The following NEDD4L variants were observed in gnomAD, a reference collection of about 807,000 sequenced individuals.
NEDD4L encodes the protein NEDD4 like E3 ubiquitin protein ligase.
NEDD4L carries 54 observed loss-of-function variants against 148.9 expected under a neutral mutation model. The observed-to-expected ratio is 0.36, with a 90% confidence interval of 0.29 to 0.45. The LOEUF is 0.45. Among genes scored for constraint, NEDD4L ranks in the 20% least tolerant of loss-of-function variants. NEDD4L has a pLI of 1.00. For synonymous variants in NEDD4L, 433 were observed against 440.7 expected (o/e 0.98, Z 0.22); for missense variants, 856 against 1,233.8 (o/e 0.69, Z 4.59).
At chr18:58,137,431 C>G (rs976703407) in intron 1 of NEDD4L, among the ~76,000 whole-genome samples, 2 of 152,094 alleles carry the variant, frequency 1.3e-5, no homozygotes, top group East Asian at 3.9e-4. Flanking sequence ...TCTGTGAGGT[C>G]GAGGTGGGTG....
intron 24 of NEDD4L, among the ~76,000 whole-genome samples, chr18:58,380,350 G>A (rs1023735953): frequency 1.4e-5 from 2 of 145,338 alleles, no homozygotes; most frequent in East Asian, 2.0e-4. Flanking sequence ...ATGGAGTCTC[G>A]CTCTGTTGCC....
chr18:58,253,651 A>G (rs2048175649), intron 5 of NEDD4L, among the ~76,000 whole-genome samples: 1 of 152,170 alleles, frequency 6.6e-6, no homozygotes, highest in South Asian at 2.1e-4. Flanking sequence ...ATTATTGAGT[A>G]TAATATCTCT....
Position 58,182,949 on chromosome 18 carries a change from TC to T in NEDD4L, c.122+17092del, listed in dbSNP as rs1482457918. ...CTCCCTCTCCTCCCTCACTGCTGGG[TC>T]CCCTGTCATAGGAGACCTGGCCTGA... On this transcript the variant is annotated intron_variant, in intron 2 of 30. Transcript: ENST00000400345. Among the ~76,000 whole-genome samples the T allele has an allele frequency of 2.0e-5, 3 of 152,306 alleles. No homozygotes were observed. In the East Asian group the frequency reaches 5.8e-4, roughly 29 times the overall value.
chr18:58,373,605 G>A (rs183288064), intron 24 of NEDD4L, among the ~76,000 whole-genome samples: 96 of 152,334 alleles, frequency 6.3e-4, no homozygotes, highest in Non-Finnish European at 9.4e-4. Context: ...TTGACTTAGC[G>A]ATGTAAATAC....
At chr18:58,148,291 G>T (rs1309682329) in intron 1 of NEDD4L, among the ~76,000 whole-genome samples, 1 of 147,848 alleles carries the variant, frequency 6.8e-6, no homozygotes, top group Non-Finnish European at 1.5e-5. Context: ...TCAGCCTCCC[G>T]AGTAGCTGGG....
At chr18:58,223,173 A>T (rs2043961981) in intron 2 of NEDD4L, among the ~76,000 whole-genome samples, 1 of 152,132 alleles carries the variant, frequency 6.6e-6, no homozygotes, top group African/African-American at 2.4e-5. Flanking sequence ...GGAAGTAAAC[A>T]TCTGTATTAG....
chr18:58,285,088 A>G (rs775536726), intron 5 of NEDD4L, among the ~76,000 whole-genome samples: 3 of 152,226 alleles, frequency 2.0e-5, no homozygotes, highest in Non-Finnish European at 2.9e-5. Flanking sequence ...TTCCTAACTG[A>G]TCACTGCCAG....
At chr18:58,086,614 C>CGATA (rs1394146923) in intron 1 of NEDD4L, among the ~76,000 whole-genome samples, 1 of 152,042 alleles carries the variant, frequency 6.6e-6, no homozygotes, top group Admixed American at 6.6e-5. Context: ...GTAACATGCC[C>CGATA]GATACATTTT....
intron 2 of NEDD4L, among the ~76,000 whole-genome samples, chr18:58,226,871 T>C (rs905000457): frequency 2.0e-5 from 3 of 152,090 alleles, no homozygotes; most frequent in African/African-American, 7.2e-5. Flanking sequence ...GTGATGCCGC[T>C]GTGTTACCCT....
intron 5 of NEDD4L, among the ~76,000 whole-genome samples, chr18:58,293,471 AAT>A (rs2055070596): frequency 6.6e-6 from 1 of 152,208 alleles, no homozygotes; most frequent in Non-Finnish European, 1.5e-5. Flanking sequence ...CATATGTTTC[AAT>A]GTCGTAAAAA....
rs2048656193 is a variant in NEDD4L, at chr18:58,256,852, C to T, written c.297+4798C>T. On this transcript the variant is annotated intron_variant, in intron 5 of 30. Coordinates refer to ENST00000400345, the MANE Select transcript of NEDD4L (RefSeq NM_001144967.3). This position sits in a 1 kb window ranked among gnomAD's most constrained non-coding sequence, Gnocchi z 5.2. ...CTCTGCGGCGTAACCAAAATAAAAC[C>T]TCACCCTCTGTTCCGGGAGTTTCCC... is the stretch of plus-strand genomic sequence containing the variant. 2 of 1,177,872 alleles carry T rather than the reference C, an allele frequency of 1.7e-6. No homozygotes were observed. The highest frequency in any genetic ancestry group is 4.4e-5 in the South Asian group (1 of 22,918). 73.0% of individuals were successfully genotyped at this position (1,177,872 alleles called of 1,614,324 possible). A position where few individuals can be genotyped will look rare whatever the true frequency, so the allele number is the denominator to read the frequency against.
intron 6 of NEDD4L, among the ~76,000 whole-genome samples, chr18:58,320,740 A>G (rs2058699950): frequency 6.6e-6 from 1 of 152,158 alleles, no homozygotes; most frequent in African/African-American, 2.4e-5. Context: ...ACTTGAGCCC[A>G]GGAAGTTGAG....
Position 58,063,367 on chromosome 18 carries a change from A to C in NEDD4L, c.48+18659A>C, listed in dbSNP as rs371209768. ...CCACCACACCTGGCCAGGGTCAGTA[A>C]GTTAAAAGATACCTTCTAAACTCAG... On this transcript the variant is annotated intron_variant, in intron 1 of 30. Coordinates refer to ENST00000400345, the MANE Select transcript of NEDD4L (RefSeq NM_001144967.3). Among the ~76,000 whole-genome samples, 8 of 152,024 alleles carry C rather than the reference A, an allele frequency of 5.3e-5. No individual in the cohort carries two copies. In the East Asian group the frequency reaches 7.7e-4, roughly 15 times the overall value.
intron 16 of NEDD4L, among the ~76,000 whole-genome samples, chr18:58,348,424 C>T (rs549905089): frequency 2.8e-5 from 4 of 144,674 alleles, no homozygotes; most frequent in South Asian, 2.2e-4. Flanking sequence ...CTCTACTTTC[C>T]GGGTTCAAGC....
At chr18:58,325,718 T>C (rs2144455998) in intron 9 of NEDD4L, among the ~76,000 whole-genome samples, 1 of 152,338 alleles carries the variant, frequency 6.6e-6, no homozygotes, top group Non-Finnish European at 1.5e-5. Context: ...TTTTAATCCC[T>C]CACCAGCCTC....
At chr18:58,112,229 A>C (rs148598335) in intron 1 of NEDD4L, among the ~76,000 whole-genome samples, 8 of 152,180 alleles carry the variant, frequency 5.3e-5, no homozygotes. Context: ...TAGGTTTTCA[A>C]TTGAATCAAC....
chr18:58,090,094 T>TC (rs2083985174), intron 1 of NEDD4L, among the ~76,000 whole-genome samples: 1 of 152,170 alleles, frequency 6.6e-6, no homozygotes, highest in Non-Finnish European at 1.5e-5. Flanking sequence ...CACCTCGTCC[T>TC]CCCAAAGTGC....
At chr18:58,058,100 GGTA>G (rs2082167669) in intron 1 of NEDD4L, among the ~76,000 whole-genome samples, 1 of 152,192 alleles carries the variant, frequency 6.6e-6, no homozygotes, top group African/African-American at 2.4e-5. Context: ...GAGGTCAGGA[GGTA>G]GAGACCATCC....
At chr18:58,194,728 GA>G (rs1485702658) in intron 2 of NEDD4L, among the ~76,000 whole-genome samples, 1 of 152,110 alleles carries the variant, frequency 6.6e-6, no homozygotes, top group Non-Finnish European at 1.5e-5. Context: ...GAGTAAAGAG[GA>G]AAATATTTTG....
Sources: allele counts gnomAD v4.1 joint callset (sites outside exome capture counted in the v4.1 genomes callset), GRCh38; gene constraint gnomAD v4.1.1; non-coding constraint Gnocchi (gnomAD v3.1); transcripts MANE v1.5; gene names NCBI Gene and HGNC (gene_info 2026-07-23, HGNC 2026-07-21).